ADHFE1: variants seen among roughly 807,000 people sequenced by gnomAD.
The protein encoded by ADHFE1 is alcohol dehydrogenase iron containing 1.
In ADHFE1, 37 loss-of-function variants were observed where a neutral mutation model predicts 54.8. That is an observed-to-expected ratio of 0.68 (90% CI 0.52 to 0.89). ADHFE1 has a LOEUF of 0.89. Ranked by LOEUF, ADHFE1 falls within the 40% of genes least tolerant of loss-of-function variation. ADHFE1 has a pLI of 0.00. For missense variants in ADHFE1, 601 were observed against 591.2 expected, an observed-to-expected ratio of 1.02 and a Z score of -0.17; for synonymous variants, 203 against 229.3, an observed-to-expected ratio of 0.89 and a Z score of 1.04.
intron 1 of ADHFE1, among the ~76,000 whole-genome samples, chr8:66,435,648 T>C (rs1805423641): frequency 7.0e-6 from 1 of 143,514 alleles, no homozygotes; most frequent in Non-Finnish European, 1.5e-5. Flanking sequence ...AGTCTTGCTG[T>C]CACTTAGGCT....
In ADHFE1 at chr8:66,468,449, C is replaced by T. The variant is rs545977104; in HGVS notation, c.*97C>T. 3.2e-5 allele frequency: 30 copies of T among 936,002 alleles called. No homozygotes were observed. In the South Asian group the frequency reaches 5.1e-4, roughly 16 times the overall value. The allele number at this position is 936,002 out of a possible 1,614,324, so 58.0% of individuals were successfully genotyped here. A position where few individuals can be genotyped will look rare whatever the true frequency, so the allele number is the denominator to read the frequency against. On this transcript the variant is annotated 3_prime_UTR_variant, in exon 14 of 14. Coordinates refer to ENST00000396623, the MANE Select transcript of ADHFE1 (RefSeq NM_144650.3). ...TTTGTCTTTTCATCTTTGCGCATAA[C>T]TTACCTGTTACCAGTATAGGTGGGA...
chr8:66,434,075 A>G (rs1563484726), intron 1 of ADHFE1, among the ~76,000 whole-genome samples: 1 of 152,240 alleles, frequency 6.6e-6, no homozygotes, highest in Non-Finnish European at 1.5e-5. Flanking sequence ...TCCAGCCTGA[A>G]GATAATGGCT....
chr8:66,445,451 C>T (rs762170611), intron 6 of ADHFE1, 37 bp downstream of exon 6: 2 of 1,557,202 alleles, frequency 1.3e-6, no homozygotes, highest in South Asian at 2.4e-5. Flanking sequence ...TTTTATTTTG[C>T]AATGAGCAAT....
chr8:66,468,460 C>A lies in ADHFE1; in HGVS notation c.*108C>A. On this transcript the variant is annotated 3_prime_UTR_variant, in exon 14 of 14. Coordinates refer to ENST00000396623, the MANE Select transcript of ADHFE1 (RefSeq NM_144650.3). Reference sequence around the variant, plus strand: ...ATCTTTGCGCATAACTTACCTGTTACCAGTATAGGTGGGATATACATTTAT... The same window carrying A: ...ATCTTTGCGCATAACTTACCTGTTAACAGTATAGGTGGGATATACATTTAT... 1.2e-6 allele frequency: 1 copy of A among 815,218 alleles called. No homozygotes were observed. The highest frequency in any genetic ancestry group is 1.9e-6 in the Non-Finnish European group (1 of 533,932). The allele number at this position is 815,218 out of a possible 1,614,324, so 50.5% of individuals were successfully genotyped here. A position where few individuals can be genotyped will look rare whatever the true frequency, so the allele number is the denominator to read the frequency against.
chr8:66,441,755 C>G (rs569597086), intron 2 of ADHFE1, among the ~76,000 whole-genome samples: 1 of 152,094 alleles, frequency 6.6e-6, no homozygotes, highest in South Asian at 2.1e-4. Context: ...CTAGGACTTT[C>G]GGAGGCCGGG....
chr8:66,454,236 T>C (rs1236891779), intron 10 of ADHFE1, 79 bp downstream of exon 10: 1 of 1,409,962 alleles, frequency 7.1e-7, no homozygotes, highest in Non-Finnish European at 9.8e-7. Context: ...TCAGGACAGG[T>C]GGTAAAATTT....
chr8:66,432,889 C>G (rs1805276570), intron 1 of ADHFE1: 1 of 1,181,974 alleles, frequency 8.5e-7, no homozygotes, highest in African/African-American at 1.6e-5. Context: ...AAGACAAATT[C>G]ATGTATGCAA....
intron 2 of ADHFE1, 134 bp downstream of exon 2, chr8:66,440,333 T>C: frequency 3.8e-6 from 3 of 791,314 alleles, no homozygotes; most frequent in Non-Finnish European, 6.3e-6. Flanking sequence ...ACCATTTCAC[T>C]GTGAAATTGA....
intron 13 of ADHFE1, 59 bp downstream of exon 13, chr8:66,460,524 A>G: frequency 6.6e-7 from 1 of 1,511,754 alleles, no homozygotes; most frequent in Non-Finnish European, 8.9e-7. Flanking sequence ...CCAGAAAGAC[A>G]TGCTGCATTG....
chr8:66,467,409 T>C (rs1301856428), intron 13 of ADHFE1, among the ~76,000 whole-genome samples: 1 of 152,072 alleles, frequency 6.6e-6, no homozygotes, highest in Non-Finnish European at 1.5e-5. Context: ...CCCACCATCT[T>C]CACTAATTCA....
At chr8:66,467,346 G>A (rs1022160961) in intron 13 of ADHFE1, among the ~76,000 whole-genome samples, 2 of 152,142 alleles carry the variant, frequency 1.3e-5, no homozygotes, top group Non-Finnish European at 2.9e-5. Context: ...TGGGGTGGGA[G>A]AGTCAGAGTT....
At chr8:66,452,798 C>A (rs181545451) in intron 9 of ADHFE1, among the ~76,000 whole-genome samples, 1 of 152,292 alleles carries the variant, frequency 6.6e-6, no homozygotes, top group African/African-American at 2.4e-5. Flanking sequence ...TACAGGAGAG[C>A]AAATAGCAAT....
intron 8 of ADHFE1, among the ~76,000 whole-genome samples, chr8:66,451,253 G>A (rs1806284363): frequency 6.6e-6 from 1 of 152,168 alleles, no homozygotes. Flanking sequence ...GTACATAAGA[G>A]AAAAAGATCT....
At position 66,444,368 on chromosome 8, in the gene ADHFE1, TG is replaced by T; in HGVS notation, c.148del (p.Ala50LeufsTer15). 1 of 1,614,140 alleles carries T rather than the reference TG, an allele frequency of 6.2e-7. No homozygotes were observed. The highest frequency in any genetic ancestry group is 8.5e-7 in the Non-Finnish European group (1 of 1,179,990). On this transcript the variant is annotated frameshift_variant and splice_region_variant, in exon 4 of 14. Transcript: ENST00000396623. LOFTEE classifies it high-confidence loss of function. ...CCTAAACCTTTTTATTTTTTTCAGA[TG>T]GCTGTTTCAAATATTAGATATGGAG... is the stretch of plus-strand genomic sequence containing the variant. ...SGKTTDYAFE[M>X]AVSNIRYGAA...
At chr8:66,449,964 GT>G (rs1404523963) in intron 8 of ADHFE1, among the ~76,000 whole-genome samples, 20 of 152,118 alleles carry the variant, frequency 1.3e-4, no homozygotes, top group Admixed American at 1.3e-3. Context: ...ACAAAAAAAA[GT>G]TTTACAAATT....
chr8:66,443,729 T>C (rs1805886039), intron 3 of ADHFE1, among the ~76,000 whole-genome samples: 1 of 152,164 alleles, frequency 6.6e-6, no homozygotes, highest in South Asian at 2.1e-4. Context: ...CATATGGGAA[T>C]GCATTCCCAG....
intron 1 of ADHFE1, among the ~76,000 whole-genome samples, chr8:66,435,233 G>A (rs1170673732): frequency 6.6e-6 from 1 of 152,210 alleles, no homozygotes; most frequent in Non-Finnish European, 1.5e-5. Context: ...TCCTACAGCT[G>A]TTGTAACAAA....
At chr8:66,435,783 A>C (rs1586429204) in intron 1 of ADHFE1, among the ~76,000 whole-genome samples, 1 of 150,966 alleles carries the variant, frequency 6.6e-6, no homozygotes, top group Non-Finnish European at 1.5e-5. Flanking sequence ...AGCTGATTTT[A>C]TTTTTTGTAG....
intron 1 of ADHFE1, among the ~76,000 whole-genome samples, chr8:66,436,697 G>A (rs575720680): frequency 4.6e-5 from 7 of 152,294 alleles, no homozygotes; most frequent in Admixed American, 3.3e-4. Context: ...GAAGTCATCA[G>A]CATCAAAGGT....
Sources: allele counts gnomAD v4.1 joint callset (sites outside exome capture counted in the v4.1 genomes callset), GRCh38; gene constraint gnomAD v4.1.1; transcripts MANE v1.5; gene names NCBI Gene and HGNC (gene_info 2026-07-23, HGNC 2026-07-21).